GPC6: variants seen among roughly 807,000 people sequenced by gnomAD.
GPC6 encodes the protein glypican 6.
A neutral mutation model predicts 55.2 loss-of-function variants in GPC6; 14 were observed. The ratio of observed to expected loss-of-function variants is 0.25; its 90% CI spans 0.17 to 0.40. The LOEUF is 0.40. Ranked by LOEUF, GPC6 falls within the 10% of genes least tolerant of loss-of-function variation. The probability of loss-of-function intolerance (pLI) is 1.00; values close to 1 mark genes in which losing one functional copy is unlikely to be tolerated. For missense variants in GPC6, 641 were observed against 708.5 expected (o/e 0.90, Z 1.08); for synonymous variants, 278 against 259.6 (o/e 1.07, Z -0.68).
At chr13:93,403,273 G>A (rs1377383057) in intron 1 of GPC6, among the ~76,000 whole-genome samples, 3 of 152,062 alleles carry the variant, frequency 2.0e-5, no homozygotes, top group African/African-American at 7.2e-5. Flanking sequence ...TTGATTATTG[G>A]TCTGAAAACA....
intron 1 of GPC6, among the ~76,000 whole-genome samples, chr13:93,494,309 G>A (rs2139361993): frequency 7.2e-6 from 1 of 138,276 alleles, no homozygotes; most frequent in Admixed American, 7.4e-5. Flanking sequence ...ATCTTTGTTG[G>A]TTTAAAGTCT....
intron 6 of GPC6, among the ~76,000 whole-genome samples, chr13:94,339,417 C>T (rs534308127): frequency 1.3e-5 from 2 of 152,218 alleles, no homozygotes; most frequent in Non-Finnish European, 2.9e-5. Context: ...CGCTGTCATT[C>T]ATAAGTTACG....
At chr13:93,520,106 G>T (rs940528217) in intron 1 of GPC6, among the ~76,000 whole-genome samples, 1 of 151,882 alleles carries the variant, frequency 6.6e-6, no homozygotes, top group African/African-American at 2.4e-5. Context: ...GGCCAACTGG[G>T]TTGGCTCTAG....
At chr13:93,255,378 A>G (rs1876917791) in intron 1 of GPC6, among the ~76,000 whole-genome samples, 1 of 152,168 alleles carries the variant, frequency 6.6e-6, no homozygotes, top group Non-Finnish European at 1.5e-5. Flanking sequence ...GCTATTTTGC[A>G]GTATATATTA....
intron 1 of GPC6, among the ~76,000 whole-genome samples, chr13:93,294,738 C>G (rs1017617984): frequency 1.3e-5 from 2 of 152,138 alleles, no homozygotes; most frequent in Non-Finnish European, 2.9e-5. Context: ...CTTTCACACC[C>G]TTCCGAGAGT....
chr13:93,754,888 A>T (rs764234210), intron 2 of GPC6, among the ~76,000 whole-genome samples: 6 of 152,172 alleles, frequency 3.9e-5, no homozygotes, highest in Non-Finnish European at 7.3e-5. Context: ...CAGTCCCATG[A>T]TACAGATCTT....
chr13:93,925,664 T>C (rs1012642376), intron 3 of GPC6, among the ~76,000 whole-genome samples: 3 of 152,152 alleles, frequency 2.0e-5, no homozygotes, highest in African/African-American at 7.2e-5. Context: ...ACAACAACCA[T>C]ATTATTACGC....
At chr13:94,200,793 G>A (rs751077440) in intron 4 of GPC6, among the ~76,000 whole-genome samples, 1 of 152,232 alleles carries the variant, frequency 6.6e-6, no homozygotes, top group Admixed American at 6.5e-5. Context: ...TAACAAAGTT[G>A]AAATGCTTTT....
At chr13:94,104,723 C>G (rs1885990728) in intron 4 of GPC6, among the ~76,000 whole-genome samples, 1 of 151,974 alleles carries the variant, frequency 6.6e-6, no homozygotes, top group South Asian at 2.1e-4. Context: ...ACAATTGCTT[C>G]AAAGAGAATA....
intron 1 of GPC6, among the ~76,000 whole-genome samples, chr13:93,444,635 A>G (rs1594174230): frequency 6.6e-6 from 1 of 152,250 alleles, no homozygotes; most frequent in South Asian, 2.1e-4. Context: ...AACAATAAAA[A>G]CATGCCATGC....
chr13:93,957,405 C>T (rs936177412), intron 3 of GPC6, among the ~76,000 whole-genome samples: 1 of 152,080 alleles, frequency 6.6e-6, no homozygotes, highest in Admixed American at 6.6e-5. Flanking sequence ...TCGGCAGTGA[C>T]CATTGTTCCC....
intron 3 of GPC6, among the ~76,000 whole-genome samples, chr13:93,997,579 A>ATG (rs1331542079): frequency 2.5e-4 from 12 of 47,278 alleles, no homozygotes; most frequent in Non-Finnish European, 4.8e-4. Context: ...AAAAGACATA[A>ATG]TATGTGTGTG....
chr13:93,272,492 GTA>G (rs61556173), intron 1 of GPC6, among the ~76,000 whole-genome samples: 1,855 of 137,114 alleles, frequency 0.014, 18 homozygotes, highest in Middle Eastern at 0.052. Context: ...TTGTCTGTGT[GTA>G]TATATATATA....
chr13:93,942,864 A>C (rs539559170), intron 3 of GPC6, among the ~76,000 whole-genome samples: 1 of 152,296 alleles, frequency 6.6e-6, no homozygotes, highest in Admixed American at 6.5e-5. Context: ...TCAGATGCTA[A>C]TGGAAGGCTA....
In GPC6 at chr13:93,896,824, C is replaced by T. The variant is rs559741926; in HGVS notation, c.711+66279C>T. Among the ~76,000 whole-genome samples the T allele has an allele frequency of 1.2e-4, 18 of 152,024 alleles. No individual in the cohort carries two copies. In the East Asian group the frequency reaches 3.3e-3, roughly 28 times the overall value. On this transcript the variant is annotated intron_variant, in intron 3 of 8. Transcript: ENST00000377047. ...AATCAACAGAAAAACTGAGAATTTT[C>T]CGTGAATCCTGGAAACACCAAGAGA...
chr13:93,898,934 T>TATATAA lies in GPC6; in HGVS notation c.711+68395_711+68400dup, dbSNP rs1301049700. 4.4e-4 allele frequency among the ~76,000 whole-genome samples: 40 copies of TATATAA among 91,924 alleles called. No homozygotes were observed. In the East Asian group the frequency reaches 9.4e-3, roughly 22 times the overall value. 60.3% of individuals were successfully genotyped at this position (91,924 alleles called of 152,430 possible). ...AGATTTGGGATATATAAAAATATTA[T>TATATAA]ATATAAATATATATATATATATATA... On this transcript the variant is annotated intron_variant, in intron 3 of 8. Transcript: ENST00000377047.
chr13:93,320,670 A>G (rs1879408801), intron 1 of GPC6, among the ~76,000 whole-genome samples: 2 of 152,070 alleles, frequency 1.3e-5, no homozygotes, highest in Admixed American at 1.3e-4. Flanking sequence ...CTATTATGAT[A>G]TTCTTTTGAT....
chr13:93,895,234 G>GTGTGTGTGTGTGTGTGTGTGTGTATGTA (rs1196315147), intron 3 of GPC6, among the ~76,000 whole-genome samples: 5 of 108,218 alleles, frequency 4.6e-5, no homozygotes, highest in African/African-American at 1.5e-4. Context: ...GTGTGTGTGT[G>GTGTGTGTGTGTGTGTGTGTGTGTATGTA]TATATATATA....
At chr13:94,307,341 C>T (rs1442272445) in intron 6 of GPC6, among the ~76,000 whole-genome samples, 1 of 151,602 alleles carries the variant, frequency 6.6e-6, no homozygotes, top group African/African-American at 2.4e-5. Context: ...TCCCTTGAGA[C>T]GGGGCTTCAC....
Sources: gnomAD v4.1 joint callset for allele counts (sites outside exome capture counted in the v4.1 genomes callset) on GRCh38, gnomAD v4.1.1 for gene constraint, MANE v1.5 for transcripts, NCBI Gene and HGNC (gene_info 2026-07-23, HGNC 2026-07-21) for gene names.